FBXO34: variants seen among roughly 807,000 people sequenced by gnomAD.
FBXO34 encodes F-box protein 34.
A neutral mutation model predicts 24.5 loss-of-function variants in FBXO34; 12 were observed. That is an observed-to-expected ratio of 0.49 (90% CI 0.31 to 0.79). The LOEUF (loss-of-function observed/expected upper bound fraction) is 0.79, where lower values mean the gene tolerates loss of function less well. FBXO34 is among the 30% of genes least tolerant of loss of function. The pLI is 0.04. For missense variants in FBXO34, 823 were observed against 857.7 expected (o/e 0.96, Z 0.51); for synonymous variants, 320 against 311.9 (o/e 1.03, Z -0.27).
At chr14:55,430,772 C>T in the FBXO34 span, among the ~76,000 whole-genome samples, 3 of 152,248 alleles carry the variant, frequency 2.0e-5, no homozygotes, top group African/African-American at 7.2e-5. Flanking sequence ...TCACCCACTT[C>T]TCACTCTTGA....
chr14:55,403,252 T>C, the FBXO34 span, among the ~76,000 whole-genome samples: 1 of 152,130 alleles, frequency 6.6e-6, no homozygotes, highest in African/African-American at 2.4e-5. Flanking sequence ...CACACACATA[T>C]GCCAGCTTTC....
At chr14:55,386,324 T>C in the FBXO34 span, among the ~76,000 whole-genome samples, 104 of 152,332 alleles carry the variant, frequency 6.8e-4, no homozygotes, top group Non-Finnish European at 1.1e-3. Flanking sequence ...CTATTTGTAA[T>C]CATCACTAGT....
chr14:55,313,226 C>T (rs2140005140), intron 1 of FBXO34, among the ~76,000 whole-genome samples: 1 of 151,592 alleles, frequency 6.6e-6, no homozygotes, highest in Middle Eastern at 3.4e-3. Flanking sequence ...AAAATGTTAC[C>T]AGTTTCTTTG....
chr14:55,350,326 T>C, intron 1 of FBXO34, 55 bp from the exon 2 acceptor site: 1 of 1,366,040 alleles, frequency 7.3e-7, no homozygotes, highest in Middle Eastern at 1.9e-4. Context: ...TTAAAAACAT[T>C]TTTTTCTAAA....
At chr14:55,349,882 C>G (rs1468747131) in intron 1 of FBXO34, among the ~76,000 whole-genome samples, 1 of 152,034 alleles carries the variant, frequency 6.6e-6, no homozygotes, top group Non-Finnish European at 1.5e-5. Context: ...GCTGGGATTA[C>G]AGACGTCAGT....
chr14:55,418,106 T>G, the FBXO34 span, among the ~76,000 whole-genome samples: 1 of 152,214 alleles, frequency 6.6e-6, no homozygotes, highest in Non-Finnish European at 1.5e-5. Context: ...TTAGGGACAT[T>G]GGCATGGCTA....
At chr14:55,294,148 A>G (rs575096205) in intron 1 of FBXO34, among the ~76,000 whole-genome samples, 9 of 151,966 alleles carry the variant, frequency 5.9e-5, no homozygotes, top group Non-Finnish European at 8.8e-5. Flanking sequence ...TCCTTACCCT[A>G]GTCTGTTTAG....
intron 1 of FBXO34, among the ~76,000 whole-genome samples, chr14:55,275,250 G>A (rs1881293659): frequency 6.6e-6 from 1 of 152,088 alleles, no homozygotes; most frequent in Non-Finnish European, 1.5e-5. Context: ...AAAATATTCA[G>A]CTTCAGAAAC....
At position 55,352,793 on chromosome 14, in the gene FBXO34, T is replaced by G. The variant is rs762357432; in HGVS notation, c.*267T>G. The G allele has an allele frequency of 2.6e-6, 1 of 387,002 alleles. No homozygotes were observed. The highest frequency in any genetic ancestry group is 7.2e-4 in the Middle Eastern group (1 of 1,394). 24.0% of individuals were successfully genotyped at this position (387,002 alleles called of 1,614,324 possible). On this transcript the variant is annotated 3_prime_UTR_variant, in exon 2 of 2. Transcript: ENST00000313833. ...GGCTGTGAATAACTGCCTGTTTTCC[T>G]AAATCAAACCCATCCTCAAAGGATG...
chr14:55,352,134 A>G lies in FBXO34; in HGVS notation c.1744A>G (p.Ile582Val), dbSNP rs1242602423. 3 of 1,614,156 alleles carry G rather than the reference A, an allele frequency of 1.9e-6. No homozygotes were observed. Among genetic ancestry groups the G allele is most frequent in the East Asian group, 2.2e-5 (1 of 44,880 alleles). The change falls in exon 2 of 2, where the codon ATT becomes GTT. Residue 582 changes from isoleucine (I) to valine (V), a missense_variant. Coordinates refer to ENST00000313833, the MANE Select transcript of FBXO34 (RefSeq NM_017943.4). Reference protein sequence around the residue: ...QQYMAFLPHHIMVKIFRLLPT... With the variant: ...QQYMAFLPHHVMVKIFRLLPT... ...GTACATGGCTTTTCTGCCCCACCAC[A>G]TTATGGTAAAAATCTTCAGGTTACT...
intron 1 of FBXO34, among the ~76,000 whole-genome samples, chr14:55,291,565 G>C (rs747632379): frequency 1.3e-5 from 2 of 152,118 alleles, no homozygotes; most frequent in African/African-American, 4.8e-5. Context: ...TTAGGGCTGG[G>C]CATAGTGGCT....
the FBXO34 span, among the ~76,000 whole-genome samples, chr14:55,378,567 C>G: frequency 6.6e-6 from 1 of 152,188 alleles, no homozygotes; most frequent in Non-Finnish European, 1.5e-5. Flanking sequence ...TACCCACAGC[C>G]TCTTTCCTTA....
At chr14:55,317,780 C>G (rs1332633594) in intron 1 of FBXO34, among the ~76,000 whole-genome samples, 1 of 152,172 alleles carries the variant, frequency 6.6e-6, no homozygotes, top group Non-Finnish European at 1.5e-5. Flanking sequence ...TACCAACCCA[C>G]CATGGAGTGG....
chr14:55,378,119 A>C, the FBXO34 span: 74 of 1,535,706 alleles, frequency 4.8e-5, no homozygotes, highest in Admixed American at 3.1e-4. Flanking sequence ...TTTTTGAGGA[A>C]ATTCTATGTT....
chr14:55,280,938 TTAC>T (rs1881519629), intron 1 of FBXO34, among the ~76,000 whole-genome samples: 1 of 152,068 alleles, frequency 6.6e-6, no homozygotes, highest in Non-Finnish European at 1.5e-5. Context: ...TGTATGTAAT[TTAC>T]CATTTTCTAG....
chr14:55,340,470 C>A (rs1385184086), intron 1 of FBXO34, among the ~76,000 whole-genome samples: 6 of 151,086 alleles, frequency 4.0e-5, no homozygotes. Flanking sequence ...TGATCTCGAA[C>A]TTTTGTGCTC....
At chr14:55,439,611 CA>C in the FBXO34 span, among the ~76,000 whole-genome samples, 2 of 89,628 alleles carry the variant, frequency 2.2e-5, no homozygotes, top group African/African-American at 1.1e-4. Context: ...GGGAGAAAAG[CA>C]AACCCCCCCC....
chr14:55,437,089 A>T, the FBXO34 span: 1 of 1,363,368 alleles, frequency 7.3e-7, no homozygotes, highest in Non-Finnish European at 1.0e-6. Flanking sequence ...AAGGGATGTC[A>T]CTATGGCAGG....
chr14:55,402,763 C>T, the FBXO34 span, among the ~76,000 whole-genome samples: 5 of 148,486 alleles, frequency 3.4e-5, no homozygotes, highest in East Asian at 7.9e-4. Flanking sequence ...AAATCATTTA[C>T]AGAAATTAGA....
Sources: allele counts gnomAD v4.1 joint callset (sites outside exome capture counted in the v4.1 genomes callset), GRCh38; gene constraint gnomAD v4.1.1; transcripts MANE v1.5; gene names NCBI Gene and HGNC (gene_info 2026-07-23, HGNC 2026-07-21).